The following CAMTA1 variants were observed in gnomAD, a reference collection of about 807,000 sequenced individuals.
The protein encoded by CAMTA1 is calmodulin binding transcription activator 1, also known as calmodulin-binding transcription activator 1.
Under a neutral mutation model 170.9 loss-of-function variants are expected in CAMTA1, and 27 were observed. That is an observed-to-expected ratio of 0.16 (90% CI 0.12 to 0.22). The LOEUF (loss-of-function observed/expected upper bound fraction) is 0.22. Ranked by LOEUF, CAMTA1 falls within the 10% of genes least tolerant of loss-of-function variation. CAMTA1 has a pLI of 1.00. For synonymous variants in CAMTA1, 833 were observed against 891.5 expected (o/e 0.93, Z 1.17); for missense variants, 1,619 against 2,217.2 (o/e 0.73, Z 5.42).
chr1:7,479,925 G>A (rs1057498077), intron 6 of CAMTA1, among the ~76,000 whole-genome samples: 8 of 102,656 alleles, frequency 7.8e-5, no homozygotes, highest in Non-Finnish European at 3.9e-5. Context: ...GTGTGTGAAT[G>A]TGTATATGTG....
chr1:6,843,928 C>T (rs1179615006), intron 3 of CAMTA1, among the ~76,000 whole-genome samples: 1 of 152,216 alleles, frequency 6.6e-6, no homozygotes, highest in Non-Finnish European at 1.5e-5. Flanking sequence ...CTTTCATGTA[C>T]TGCTGATGGG....
intron 3 of CAMTA1, among the ~76,000 whole-genome samples, chr1:6,849,068 A>T (rs967275255): frequency 3.9e-5 from 6 of 152,176 alleles, no homozygotes; most frequent in Non-Finnish European, 8.8e-5. Context: ...TTTTAGGCAG[A>T]TAAGGGGTTT....
chr1:7,746,212 T>A (rs1019121013), intron 18 of CAMTA1, 121 bp downstream of exon 18: 2 of 1,207,670 alleles, frequency 1.7e-6, no homozygotes, highest in African/African-American at 1.5e-5. Flanking sequence ...TTTGTAGAAT[T>A]TTTTTGGAAG....
At chr1:6,909,464 C>G (rs961743044) in intron 3 of CAMTA1, among the ~76,000 whole-genome samples, 1 of 152,250 alleles carries the variant, frequency 6.6e-6, no homozygotes, top group South Asian at 2.1e-4. Context: ...CCATCTCCAG[C>G]AGGGTAACAG....
At chr1:7,020,572 G>C (rs1701199622) in intron 3 of CAMTA1, among the ~76,000 whole-genome samples, 1 of 152,232 alleles carries the variant, frequency 6.6e-6, no homozygotes, top group South Asian at 2.1e-4. Context: ...GCAACAAACA[G>C]ATAAATTGAC....
intron 4 of CAMTA1, among the ~76,000 whole-genome samples, chr1:7,105,939 C>CAA (rs35981857): frequency 1.9e-4 from 27 of 143,468 alleles, no homozygotes; most frequent in East Asian, 1.9e-3. Context: ...GACCATGTCT[C>CAA]AAAAAAAAAA....
chr1:7,447,203 G>T (rs1575381309), intron 5 of CAMTA1, among the ~76,000 whole-genome samples: 1 of 152,100 alleles, frequency 6.6e-6, no homozygotes, highest in Non-Finnish European at 1.5e-5. Flanking sequence ...TACCAGAAGG[G>T]CACTTTGTAA....
In CAMTA1 at chr1:7,044,802, T is replaced by TC. The variant is rs905449018; in HGVS notation, c.235-46497dup. Among the ~76,000 whole-genome samples the TC allele has an allele frequency of 2.1e-4, 30 of 144,722 alleles. No individual in the cohort carries two copies. The highest frequency in any genetic ancestry group is 3.2e-3 in the Middle Eastern group (1 of 314). The allele number at this position is 144,722 out of a possible 152,430, so 94.9% of individuals were successfully genotyped here. The stretch of plus-strand genomic sequence containing the variant: ...GCGCATCTTTCCCCCTCACGTCCTC[T>TC]CCCCCACTCCCTCCTCTTCCCGCCT... On this transcript the variant is annotated intron_variant, in intron 3 of 22. Transcript: ENST00000303635. This position sits in a 1 kb window ranked among gnomAD's most constrained non-coding sequence, Gnocchi z 5.0.
intron 5 of CAMTA1, among the ~76,000 whole-genome samples, chr1:7,304,063 G>C (rs1304936268): frequency 7.4e-6 from 1 of 134,604 alleles, no homozygotes; most frequent in Non-Finnish European, 1.7e-5. Context: ...GGCTGGGGGA[G>C]GGGAGGGAGA....
intron 5 of CAMTA1, among the ~76,000 whole-genome samples, chr1:7,440,632 A>G (rs2092496597): frequency 6.6e-6 from 1 of 152,010 alleles, no homozygotes; most frequent in African/African-American, 2.4e-5. Context: ...CCTTCAAGAG[A>G]GCAGCAGGTG....
chr1:7,017,533 G>A (rs1211166786), intron 3 of CAMTA1, among the ~76,000 whole-genome samples: 2 of 152,216 alleles, frequency 1.3e-5, no homozygotes, highest in East Asian at 1.9e-4. Flanking sequence ...TTTCAAACTT[G>A]AGGCTTTAAG....
rs190237475 is a variant in CAMTA1 at position 7,544,222 on chromosome 1, A to G, written c.510+76321A>G. ...CATGGCGGTGGCAAGAGAAAAATGA[A>G]GAAGATGCAAAAGCAGAAACCCCTG... On this transcript the variant is annotated intron_variant, in intron 6 of 22. Transcript: ENST00000303635. Among the ~76,000 whole-genome samples, 1,282 of 152,350 alleles carry G rather than the reference A, an allele frequency of 8.4e-3. 18 individuals are homozygous for G. The highest frequency in any genetic ancestry group is 0.029 in the African/African-American group (1,215 of 41,562).
chr1:7,437,971 TGA>T (rs1239148058), intron 5 of CAMTA1, among the ~76,000 whole-genome samples: 5 of 152,172 alleles, frequency 3.3e-5, no homozygotes, highest in African/African-American at 1.2e-4. Flanking sequence ...CAAGTGGGGA[TGA>T]GAGCTAAGAA....
chr1:7,029,285 A>G (rs921453491), intron 3 of CAMTA1, among the ~76,000 whole-genome samples: 1 of 151,818 alleles, frequency 6.6e-6, no homozygotes, highest in Non-Finnish European at 1.5e-5. Context: ...GTGGATCACA[A>G]GGTCAGGAGA....
intron 6 of CAMTA1, among the ~76,000 whole-genome samples, chr1:7,623,946 T>G (rs2095616086): frequency 6.6e-6 from 1 of 152,264 alleles, no homozygotes; most frequent in Admixed American, 6.5e-5. Flanking sequence ...AAAGTGTTTT[T>G]TCCAAGGGGA....
intron 4 of CAMTA1, among the ~76,000 whole-genome samples, chr1:7,111,302 G>A (rs751071639): frequency 5.9e-5 from 9 of 152,206 alleles, no homozygotes; most frequent in South Asian, 2.1e-4. Flanking sequence ...CACAGGTTTC[G>A]GGGATTAGGA....
chr1:7,493,179 A>G lies in CAMTA1; in HGVS notation c.510+25278A>G, dbSNP rs567553315. Among the ~76,000 whole-genome samples, 20 of 150,560 alleles carry G rather than the reference A, an allele frequency of 1.3e-4. 1 individual carries two copies. The highest frequency in any genetic ancestry group is 4.7e-4 in the African/African-American group (19 of 40,318). On this transcript the variant is annotated intron_variant, in intron 6 of 22. Coordinates refer to ENST00000303635, the MANE Select transcript of CAMTA1 (RefSeq NM_015215.4). ...CAAACCTACATACACGCGCACACAA[A>G]TACAAACACGCACACACACAAACAC...
intron 5 of CAMTA1, among the ~76,000 whole-genome samples, chr1:7,424,268 G>A (rs1405510190): frequency 6.6e-6 from 1 of 152,106 alleles, no homozygotes; most frequent in Non-Finnish European, 1.5e-5. Flanking sequence ...AACATCAATA[G>A]ACATTTTTTA....
chr1:7,544,315 G>T (rs1372631689), intron 6 of CAMTA1, among the ~76,000 whole-genome samples: 1 of 152,196 alleles, frequency 6.6e-6, no homozygotes, highest in Non-Finnish European at 1.5e-5. Context: ...ACCGCCCCAT[G>T]ATTCAAATTA....
Sources: gnomAD v4.1 joint callset for allele counts (sites outside exome capture counted in the v4.1 genomes callset) on GRCh38, gnomAD v4.1.1 for gene constraint, Gnocchi (gnomAD v3.1) non-coding constraint, MANE v1.5 for transcripts, NCBI Gene and HGNC (gene_info 2026-07-23, HGNC 2026-07-21) for gene names.